CNTRL: variants seen among roughly 807,000 people sequenced by gnomAD.
The protein encoded by CNTRL is centriolin.
A neutral mutation model predicts 303.7 loss-of-function variants in CNTRL; 233 were observed. The ratio of observed to expected loss-of-function variants is 0.77; its 90% CI spans 0.69 to 0.86. The LOEUF (loss-of-function observed/expected upper bound fraction) is 0.86, where lower values mean the gene tolerates loss of function less well. CNTRL is among the 40% of genes least tolerant of loss of function. CNTRL has a pLI of 0.00. For synonymous variants in CNTRL, 900 were observed against 922.2 expected (o/e 0.98, Z 0.44); for missense variants, 2,524 against 2,650.6 (o/e 0.95, Z 1.05).
intron 31 of CNTRL, 25 bp downstream of exon 31, chr9:121,159,044 G>C: frequency 1.2e-6 from 2 of 1,608,676 alleles, no homozygotes; most frequent in Non-Finnish European, 1.7e-6. Flanking sequence ...AGGGTTTTCT[G>C]AAGAGTCGTA....
intron 11 of CNTRL, among the ~76,000 whole-genome samples, chr9:121,116,403 C>T (rs2049979688): frequency 6.6e-6 from 1 of 151,570 alleles, no homozygotes; most frequent in African/African-American, 2.4e-5. Flanking sequence ...TGAGACAGGG[C>T]CTTGACTCCT....
intron 23 of CNTRL, among the ~76,000 whole-genome samples, chr9:121,146,569 A>T (rs531350552): frequency 6.6e-6 from 1 of 152,310 alleles, no homozygotes; most frequent in African/African-American, 2.4e-5. Flanking sequence ...CCGACAGAAA[A>T]AAAGGCACCT....
At chr9:121,097,561 T>C (rs2048941342) in intron 6 of CNTRL, among the ~76,000 whole-genome samples, 1 of 140,008 alleles carries the variant, frequency 7.1e-6, no homozygotes. Flanking sequence ...ATACCTATGC[T>C]TTCTAATTTC....
Position 121,094,916 on chromosome 9 carries a change from A to G in CNTRL, c.377A>G (p.Lys126Arg). The change falls in exon 5 of 44, where the codon AAA becomes AGA. Residue 126 changes from lysine (K) to arginine (R), a missense_variant. Lys to Arg is a conservative substitution (Grantham distance 26). Transcript: ENST00000373855. ...KYIENLEKCV[K>R]LEVLNLSYNL... is the part of the protein sequence containing the mutation. The stretch of plus-strand genomic sequence containing the variant: ...ATTGAGAATTTGGAAAAATGTGTTA[A>G]ACTTGAAGTACTGAATCTCAGCTAT... 1.9e-6 allele frequency: 3 copies of G among 1,581,712 alleles called. No homozygotes were observed. Among genetic ancestry groups the G allele is most frequent in the Non-Finnish European group, 2.6e-6 (3 of 1,159,958 alleles).
chr9:121,148,965 T>G, intron 24 of CNTRL, 104 bp downstream of exon 24: 1 of 1,015,792 alleles, frequency 9.8e-7, no homozygotes, highest in Non-Finnish European at 1.4e-6. Context: ...CTTAGCTAGC[T>G]CCATGAGGTC....
In CNTRL at chr9:121,124,956, A is replaced by T. The variant is rs190713758; in HGVS notation, c.1805-760A>T. On this transcript the variant is annotated intron_variant, in intron 13 of 43. Coordinates refer to ENST00000373855, the MANE Select transcript of CNTRL (RefSeq NM_007018.6). Reference sequence around the variant, plus strand: ...TGAAACTTTGTCTGAAAAAAAAAAAAAAAGAGAGAGATAGTGTTCATAAAG... The same window carrying T: ...TGAAACTTTGTCTGAAAAAAAAAAATAAAGAGAGAGATAGTGTTCATAAAG... Among the ~76,000 whole-genome samples the T allele has an allele frequency of 7.3e-5, 11 of 151,616 alleles. No individual in the cohort carries two copies. In the East Asian group the frequency reaches 2.1e-3, roughly 29 times the overall value.
chr9:121,108,162 T>C (rs1472646188), intron 8 of CNTRL, among the ~76,000 whole-genome samples, 167 bp downstream of exon 8: 2 of 152,308 alleles, frequency 1.3e-5, no homozygotes, highest in African/African-American at 2.4e-5. Context: ...CTAGATGATA[T>C]GGCTTCCCAA....
At chr9:121,134,400 G>A (rs1016267994) in intron 14 of CNTRL, among the ~76,000 whole-genome samples, 9 of 151,034 alleles carry the variant, frequency 6.0e-5, no homozygotes, top group South Asian at 2.1e-4. Flanking sequence ...AAGTGATTCC[G>A]CTGCCTCAGC....
At position 121,157,860 on chromosome 9, in the gene CNTRL, G is replaced by A; in HGVS notation, c.4617G>A (p.Lys1539=). 3 of 1,614,008 alleles carry A rather than the reference G, an allele frequency of 1.9e-6. No homozygotes were observed. Among genetic ancestry groups the A allele is most frequent in the South Asian group, 1.1e-5 (1 of 91,072 alleles). Residue 1539 remains lysine, a synonymous_variant, in exon 29 of 44, where the codon AAG becomes AAA. Transcript: ENST00000373855. ...KDSDFQCLSK[K]KEKLTEELQK... ...CAGACTTCCAATGTTTAAGCAAGAA[G>A]AAGGAAAAACTGACAGAAGAGTAAG...
At chr9:121,107,651 CT>C in intron 7 of CNTRL, 150 bp from the exon 8 acceptor site, 9 of 532,992 alleles carry the variant, frequency 1.7e-5, no homozygotes, top group Admixed American at 4.0e-5. Context: ...TCAGGATAGT[CT>C]TTTTTTCCAA....
intron 39 of CNTRL, chr9:121,171,175 CAGAA>C (rs1163491360): frequency 3.4e-6 from 2 of 586,636 alleles, no homozygotes; most frequent in Non-Finnish European, 6.4e-6. Flanking sequence ...AATGAAGACT[CAGAA>C]AGGGATAGTA....
intron 14 of CNTRL, among the ~76,000 whole-genome samples, chr9:121,131,664 A>G (rs1423572495): frequency 6.6e-6 from 1 of 152,082 alleles, no homozygotes; most frequent in Non-Finnish European, 1.5e-5. Flanking sequence ...TGTGGATTTG[A>G]TCCTGTTGTT....
intron 7 of CNTRL, among the ~76,000 whole-genome samples, chr9:121,104,723 C>CA (rs1259939255): frequency 1.3e-5 from 1 of 77,236 alleles, no homozygotes; most frequent in East Asian, 5.3e-4. Context: ...TTTTTTGAGA[C>CA]AGAGTTTCGC....
intron 7 of CNTRL, 114 bp from the exon 8 acceptor site, chr9:121,107,688 A>C (rs1588125520): frequency 2.8e-6 from 2 of 709,210 alleles, no homozygotes; most frequent in East Asian, 6.4e-5. Flanking sequence ...TTTTAAAAGT[A>C]GAATTGTATT....
intron 27 of CNTRL, among the ~76,000 whole-genome samples, chr9:121,155,520 G>C (rs1309605483): frequency 6.6e-6 from 1 of 152,084 alleles, no homozygotes; most frequent in South Asian, 2.1e-4. Flanking sequence ...TAGAGACGGG[G>C]TTTCACCATG....
At chr9:121,108,255 A>G (rs887950080) in intron 8 of CNTRL, among the ~76,000 whole-genome samples, 2 of 152,198 alleles carry the variant, frequency 1.3e-5, no homozygotes, top group Non-Finnish European at 2.9e-5. Context: ...GAGGCTGTTC[A>G]TTGGCAAAAA....
chr9:121,136,997 A>G (rs1333301499), intron 15 of CNTRL, among the ~76,000 whole-genome samples: 2 of 152,148 alleles, frequency 1.3e-5, no homozygotes, highest in East Asian at 3.9e-4. Context: ...GAGTAAAGGT[A>G]AGGTATTTGT....
intron 9 of CNTRL, among the ~76,000 whole-genome samples, chr9:121,113,253 CA>C (rs1347224804): frequency 6.6e-6 from 1 of 152,146 alleles, no homozygotes; most frequent in East Asian, 1.9e-4. Flanking sequence ...TTTAATCAAT[CA>C]GTCCAAACTT....
At position 121,125,780 on chromosome 9, in the gene CNTRL, A is replaced by G. The variant is rs779530730; in HGVS notation, c.1869A>G (p.Glu623=). ...AAGGTGTTATCAGTGGGTTGCAAGAATACCTGGGGACCATTAAAGGCCAGG... is the reference window on the plus strand; with the variant it reads ...AAGGTGTTATCAGTGGGTTGCAAGAGTACCTGGGGACCATTAAAGGCCAGG... The part of the protein sequence containing the change: ...DLEGVISGLQ[E]YLGTIKGQAT... The change falls in exon 14 of 44, where the codon GAA becomes GAG. Residue 623 remains glutamate, a synonymous_variant. Transcript: ENST00000373855. 221 of 1,614,096 alleles carry G rather than the reference A, an allele frequency of 1.4e-4. No homozygotes were observed. The highest frequency in any genetic ancestry group is 1.9e-5 in the Non-Finnish European group (23 of 1,180,038).
Sources: gnomAD v4.1 joint callset for allele counts (sites outside exome capture counted in the v4.1 genomes callset) on GRCh38, gnomAD v4.1.1 for gene constraint, MANE v1.5 for transcripts, NCBI Gene and HGNC (gene_info 2026-07-23, HGNC 2026-07-21) for gene names.